FREM2: variants seen among roughly 807,000 people sequenced by gnomAD.
FREM2 encodes the protein FRAS1 related extracellular matrix 2.
In FREM2, 119 loss-of-function variants were observed where a neutral mutation model predicts 219.9. The observed-to-expected ratio is 0.54, with a 90% CI of 0.47 to 0.63. FREM2 has a LOEUF of 0.63. Among genes scored for constraint, FREM2 ranks in the 30% least tolerant of loss-of-function variants. The pLI, the probability that FREM2 is intolerant of heterozygous loss-of-function variation, is 0.00. For synonymous variants in FREM2, 1,562 were observed against 1,522.8 expected, an observed-to-expected ratio of 1.03 and a Z score of -0.60; for missense variants, 4,030 against 3,993.6, an observed-to-expected ratio of 1.01 and a Z score of -0.25.
Position 38,864,731 on chromosome 13 carries a change from A to C in FREM2, c.7983+125A>C, listed in dbSNP as rs1432434861. The C allele has an allele frequency of 1.1e-4, 91 of 822,766 alleles. No homozygotes were observed. In the Admixed American group the frequency reaches 1.8e-3, roughly 16 times the overall value. 51.0% of individuals were successfully genotyped at this position (822,766 alleles called of 1,614,324 possible). On this transcript the variant is annotated intron_variant, in intron 16 of 23. Coordinates refer to ENST00000280481, the MANE Select transcript of FREM2 (RefSeq NM_207361.6). The stretch of plus-strand genomic sequence containing the variant: ...GGTGTTGTAGGTAATTATTGACAGC[A>C]AGGGACCAGACAACTGGCATGGATG...
rs1190383428 is a variant in FREM2, at chr13:38,697,697, G to T, written c.5174-1G>T. 6.4e-7 allele frequency: 1 copy of T among 1,557,456 alleles called. No homozygotes were observed. Among genetic ancestry groups the T allele is most frequent in the Admixed American group, 1.7e-5 (1 of 59,908 alleles). On this transcript the variant is annotated splice_acceptor_variant, in intron 1 of 23. Transcript: ENST00000280481. LOFTEE classifies it high-confidence loss of function. ...CATCTTGTTTTTTGGTTATTTTCTA[G>T]CTGACATTGATGACATGAAAATATG...
At chr13:38,757,145 A>C (rs950059485) in intron 2 of FREM2, among the ~76,000 whole-genome samples, 3 of 152,182 alleles carry the variant, frequency 2.0e-5, no homozygotes, top group Non-Finnish European at 4.4e-5. Context: ...ATAGTAGATG[A>C]ATAGGAATTT....
chr13:38,696,963 A>G lies in FREM2; in HGVS notation c.5174-735A>G, dbSNP rs1290392367. On this transcript the variant is annotated intron_variant, in intron 1 of 23. Coordinates refer to ENST00000280481, the MANE Select transcript of FREM2 (RefSeq NM_207361.6). Reference sequence around the variant, plus strand: ...GCTGGGATTACAGGAACGCACCACCACACCCAGCCAATTTTTAATAGAGAC... The same window carrying G: ...GCTGGGATTACAGGAACGCACCACCGCACCCAGCCAATTTTTAATAGAGAC... Among the ~76,000 whole-genome samples, 7 of 151,938 alleles carry G rather than the reference A, an allele frequency of 4.6e-5. No individual in the cohort carries two copies. The East Asian group carries it at 1.4e-3, about 30-fold the overall frequency.
intron 2 of FREM2, among the ~76,000 whole-genome samples, chr13:38,743,236 G>A (rs1176874639): frequency 6.6e-6 from 1 of 151,628 alleles, no homozygotes; most frequent in East Asian, 1.9e-4. Context: ...TTCTACCCAG[G>A]TTTTTCTCAT....
At chr13:38,840,003 T>A (rs1426774286) in intron 6 of FREM2, among the ~76,000 whole-genome samples, 2 of 152,030 alleles carry the variant, frequency 1.3e-5, no homozygotes, top group Non-Finnish European at 2.9e-5. Context: ...CACTGAGGTA[T>A]GAAAAAAACT....
rs892559691 is a variant in FREM2, at chr13:38,848,759, A to G, written c.6379+89A>G. 20 of 1,210,648 alleles carry G rather than the reference A, an allele frequency of 1.7e-5. 1 individual carries two copies. In the South Asian group the frequency reaches 2.6e-4, roughly 15 times the overall value. The allele number at this position is 1,210,648 out of a possible 1,614,324, so 75.0% of individuals were successfully genotyped here. A position where few individuals can be genotyped will look rare whatever the true frequency, so the allele number is the denominator to read the frequency against. ...TATATGATAAGCAAGATGATTATAT[A>G]TATTTGTTTGTTTGCTAGGGCTTCC... On this transcript the variant is annotated intron_variant, in intron 8 of 23. Coordinates refer to ENST00000280481, the MANE Select transcript of FREM2 (RefSeq NM_207361.6).
At chr13:38,727,518 A>G (rs1871580050) in intron 2 of FREM2, among the ~76,000 whole-genome samples, 1 of 152,176 alleles carries the variant, frequency 6.6e-6, no homozygotes, top group Non-Finnish European at 1.5e-5. Context: ...AACCAGATCA[A>G]CATTCTGCTC....
At chr13:38,854,613 A>C (rs1203245631) in intron 11 of FREM2, among the ~76,000 whole-genome samples, 1 of 152,218 alleles carries the variant, frequency 6.6e-6, no homozygotes. Context: ...ACAAATGATT[A>C]GCTATTTTCT....
rs765228681 is a variant in FREM2 at position 38,692,140 on chromosome 13, A to G, written c.4796A>G (p.Glu1599Gly). The G allele has an allele frequency of 2.5e-6, 4 of 1,614,124 alleles. No homozygotes were observed. Among genetic ancestry groups the G allele is most frequent in the African/African-American group, 1.3e-5 (1 of 74,942 alleles). Reference protein sequence around the residue: ...VMVFTKQDLNENLISYKHDGT... With the variant: ...VMVFTKQDLNGNLISYKHDGT... ...GTTTTTACCAAGCAAGACTTGAATG[A>G]AAACTTAATCAGCTACAAACATGAT... The change falls in exon 1 of 24, where the codon GAA (glutamate) becomes GGA (glycine). Residue 1599 changes from glutamate to glycine, a missense_variant. Glu to Gly is a moderately conservative substitution (Grantham distance 98). Around this residue, in one of 2 missense-constraint regions of FREM2, gnomAD observed 3,102 missense variants for 2,950.7 expected, o/e 1.05. Coordinates refer to ENST00000280481, the MANE Select transcript of FREM2 (RefSeq NM_207361.6).
intron 2 of FREM2, among the ~76,000 whole-genome samples, chr13:38,722,732 T>G (rs1871335853): frequency 6.8e-6 from 1 of 146,440 alleles, no homozygotes; most frequent in Non-Finnish European, 1.5e-5. Context: ...AAGCAGAGGG[T>G]GTAGCTGGTA....
chr13:38,697,488 G>A (rs1221951114), intron 1 of FREM2, among the ~76,000 whole-genome samples: 1 of 152,160 alleles, frequency 6.6e-6, no homozygotes, highest in Non-Finnish European at 1.5e-5. Flanking sequence ...CTCTTGCACT[G>A]TATTTATCTG....
At chr13:38,716,454 C>T (rs1397222991) in intron 2 of FREM2, among the ~76,000 whole-genome samples, 1 of 152,096 alleles carries the variant, frequency 6.6e-6, no homozygotes, top group Non-Finnish European at 1.5e-5. Flanking sequence ...TCTTTCTTTC[C>T]CATTCCCTTT....
intron 16 of FREM2, 128 bp downstream of exon 16, chr13:38,864,734 G>A (rs1335645044): frequency 1.2e-5 from 10 of 806,830 alleles, no homozygotes; most frequent in Middle Eastern, 3.2e-4. Flanking sequence ...TGACAGCAAG[G>A]GACCAGACAA....
At chr13:38,782,982 T>C in intron 4 of FREM2, 88 bp from the exon 5 acceptor site, 1 of 1,477,264 alleles carries the variant, frequency 6.8e-7, no homozygotes. Flanking sequence ...GAAAAATCAA[T>C]CATTAGAGAA....
rs774511438 is a variant in FREM2 at position 38,859,379 on chromosome 13, G to A, written c.7308G>A (p.Leu2436=). 1.2e-6 allele frequency: 2 copies of A among 1,614,102 alleles called. No homozygotes were observed. Among genetic ancestry groups the A allele is most frequent in the African/African-American group, 1.3e-5 (1 of 74,936 alleles). ...INDTLTRYRW[L]ISAPAGPDGV... is the part of the protein sequence containing the mutation. ...ACACTTTGACGCGGTACCGGTGGCTGATTAGTGCACCTGCGGGCCCTGACG... is the reference window on the plus strand; with the variant it reads ...ACACTTTGACGCGGTACCGGTGGCTAATTAGTGCACCTGCGGGCCCTGACG... The change falls in exon 14 of 24, where the codon CTG becomes CTA. Residue 2436 remains leucine, a synonymous_variant. Transcript: ENST00000280481.
chr13:38,691,048 A>G lies in FREM2; in HGVS notation c.3704A>G (p.His1235Arg). ...TTCACTATTACCCAATTCCCCACTC[A>G]TGGTCACATCATGAATCAGCTGATA... ...LTFTITQFPT[H>R]GHIMNQLING... The change falls in exon 1 of 24, where the codon CAT becomes CGT. Residue 1235 changes from histidine (H) to arginine (R), a missense_variant. By Grantham distance (29) the His-to-Arg change is conservative (BLOSUM62 0). Transcript: ENST00000280481. 1.2e-6 allele frequency: 2 copies of G among 1,614,168 alleles called. No individual in the cohort carries two copies. The highest frequency in any genetic ancestry group is 1.7e-6 in the Non-Finnish European group (2 of 1,180,034).
In FREM2 at chr13:38,884,683, G is replaced by T. The variant is rs1484847644; in HGVS notation, c.*3896G>T. The T allele has an allele frequency of 6.6e-6, 1 of 152,062 alleles. No individual in the cohort carries two copies. The highest frequency in any genetic ancestry group is 6.6e-5 in the Admixed American group (1 of 15,258). The allele number at this position is 152,062 out of a possible 1,614,324, so 9.4% of individuals were successfully genotyped here. On this transcript the variant is annotated 3_prime_UTR_variant, in exon 24 of 24. Coordinates refer to ENST00000280481, the MANE Select transcript of FREM2 (RefSeq NM_207361.6). ...CACTAAGCGTATGGCCAATAAATGG[G>T]ACCCAAACGTTCAATCTGTTCAGTT...
intron 2 of FREM2, among the ~76,000 whole-genome samples, chr13:38,705,571 C>T (rs1870505099): frequency 6.6e-6 from 1 of 152,172 alleles, no homozygotes; most frequent in East Asian, 1.9e-4. Flanking sequence ...TGACGTGACC[C>T]TGAGCCAAGT....
At chr13:38,810,843 C>A (rs1183102446) in intron 6 of FREM2, among the ~76,000 whole-genome samples, 1 of 151,856 alleles carries the variant, frequency 6.6e-6, no homozygotes, top group African/African-American at 2.4e-5. Flanking sequence ...TGAAAGTATT[C>A]CCTCTTCCCC....
Sources: allele counts gnomAD v4.1 joint callset (sites outside exome capture counted in the v4.1 genomes callset), GRCh38; gene constraint gnomAD v4.1.1; regional missense constraint gnomAD v4.1.1; transcripts MANE v1.5; gene names NCBI Gene and HGNC (gene_info 2026-07-23, HGNC 2026-07-21).